USP47: variants seen among roughly 807,000 people sequenced by gnomAD.
USP47 encodes the protein ubiquitin specific peptidase 47.
USP47 carries 35 observed loss-of-function variants against 165.1 expected under a neutral mutation model. That is an observed-to-expected ratio of 0.21 (90% CI 0.16 to 0.28). The LOEUF is 0.28. Among genes scored for constraint, USP47 ranks in the 10% least tolerant of loss-of-function variants. The pLI, the probability that USP47 is intolerant of heterozygous loss-of-function variation, is 1.00. For synonymous variants in USP47, 531 were observed against 544.5 expected (o/e 0.98, Z 0.35); for missense variants, 1,277 against 1,607.4 (o/e 0.79, Z 3.52).
At chr11:11,895,431 G>T (rs1236898983) in intron 4 of USP47, among the ~76,000 whole-genome samples, 1 of 152,118 alleles carries the variant, frequency 6.6e-6, no homozygotes, top group African/African-American at 2.4e-5. Flanking sequence ...TATTGTATCA[G>T]ATAAAATTAT....
In USP47 at chr11:11,957,370, A is replaced by G. The variant is rs1020765816; in HGVS notation, c.*1195A>G. 2 of 152,468 alleles carry G rather than the reference A, an allele frequency of 1.3e-5. No individual in the cohort carries two copies. The highest frequency in any genetic ancestry group is 2.9e-5 in the Non-Finnish European group (2 of 68,040). 9.4% of individuals were successfully genotyped at this position (152,468 alleles called of 1,614,324 possible). ...TATCAGCAAGTTTTTGCTTTGCTAA[A>G]TAAAAGTACTCAATGAACACAATTC... On this transcript the variant is annotated 3_prime_UTR_variant, in exon 28 of 28. Coordinates refer to ENST00000527733, the MANE Select transcript of USP47 (RefSeq NM_001282659.2).
chr11:11,919,999 T>C (rs1051802841), intron 8 of USP47, among the ~76,000 whole-genome samples, 157 bp from the exon 9 acceptor site: 1 of 151,828 alleles, frequency 6.6e-6, no homozygotes, highest in Non-Finnish European at 1.5e-5. Flanking sequence ...AGTGATAATA[T>C]TATTTTACTG....
chr11:11,877,101 A>T (rs898632794), intron 1 of USP47, among the ~76,000 whole-genome samples: 2 of 152,026 alleles, frequency 1.3e-5, no homozygotes, highest in South Asian at 2.1e-4. Flanking sequence ...TGTTTCCTGC[A>T]TGTTTAATTT....
chr11:11,880,099 A>G, intron 1 of USP47, 78 bp from the exon 2 acceptor site: 2 of 1,021,772 alleles, frequency 2.0e-6, no homozygotes, highest in South Asian at 1.9e-5. Context: ...ACATTTAATC[A>G]TAAAATTTTA....
At chr11:11,912,079 G>A (rs1002670113) in intron 8 of USP47, among the ~76,000 whole-genome samples, 14 of 151,266 alleles carry the variant, frequency 9.3e-5, no homozygotes, top group Non-Finnish European at 1.3e-4. Context: ...AAGCAATACC[G>A]AGAGGGAAAC....
At chr11:11,880,478 A>C in intron 2 of USP47, 98 bp downstream of exon 2, 1 of 966,286 alleles carries the variant, frequency 1.0e-6, no homozygotes, top group Non-Finnish European at 1.4e-6. Context: ...TAAAATCATA[A>C]ACAAAAGTAT....
intron 1 of USP47, among the ~76,000 whole-genome samples, chr11:11,856,071 G>A (rs1387727467): frequency 1.3e-5 from 2 of 152,210 alleles, no homozygotes; most frequent in Non-Finnish European, 2.9e-5. Context: ...AGTTTGTAGT[G>A]CATTTTAGGA....
intron 14 of USP47, among the ~76,000 whole-genome samples, chr11:11,931,179 AT>A (rs1854639603): frequency 6.6e-6 from 1 of 151,052 alleles, no homozygotes; most frequent in South Asian, 2.1e-4. Context: ...TCTTTTCATA[AT>A]TAAAAAAAAT....
In USP47 at chr11:11,933,864, G is replaced by A. The variant is rs1196793250; in HGVS notation, c.1798G>A (p.Val600Ile). The A allele has an allele frequency of 6.2e-7, 1 of 1,609,598 alleles. No individual in the cohort carries two copies. Among genetic ancestry groups the A allele is most frequent in the Non-Finnish European group, 8.5e-7 (1 of 1,177,028 alleles). ...ATTCTGTTTGCATCCTACAAAACAA[G>A]TAATGATGGAAAATAAATTGGAGGT... ...KLFCLHPTKQ[V>I]MMENKLEVHK... Residue 600 changes from valine to isoleucine, a missense_variant, in exon 16 of 28, where the codon GTA becomes ATA. Physicochemically the swap from Val to Ile is conservative, Grantham distance 29. Coordinates refer to ENST00000527733, the MANE Select transcript of USP47 (RefSeq NM_001282659.2).
chr11:11,850,090 A>G (rs1848640274), intron 1 of USP47, among the ~76,000 whole-genome samples: 1 of 152,004 alleles, frequency 6.6e-6, no homozygotes, highest in Non-Finnish European at 1.5e-5. Context: ...TGTATTATGT[A>G]GTTATATGTC....
At chr11:11,858,361 T>C (rs1282607604) in intron 1 of USP47, among the ~76,000 whole-genome samples, 1 of 152,194 alleles carries the variant, frequency 6.6e-6, no homozygotes, top group Non-Finnish European at 1.5e-5. Context: ...TAAGTGAGAC[T>C]TTTTGTTTTT....
chr11:11,903,520 C>T (rs934824372), intron 7 of USP47, among the ~76,000 whole-genome samples, 178 bp downstream of exon 7: 5 of 151,924 alleles, frequency 3.3e-5, no homozygotes, highest in Admixed American at 3.3e-4. Flanking sequence ...TTATAAATAC[C>T]ATCATTAAAC....
At position 11,902,849 on chromosome 11, in the gene USP47, AT is replaced by A; in HGVS notation, c.729del (p.Asp243GlufsTer35). On this transcript the variant is annotated frameshift_variant, in exon 6 of 28. Coordinates refer to ENST00000527733, the MANE Select transcript of USP47 (RefSeq NM_001282659.2). LOFTEE classifies it high-confidence loss of function. The part of the protein sequence containing the change: ...TTDVTRSFGW[D>X]SSEAWQQHDV... ...GATGTTACAAGGAGCTTTGGATGGG[AT>A]AGTAGTGAGGGTACTAATTCTCTTG... 1 of 1,586,480 alleles carries A rather than the reference AT, an allele frequency of 6.3e-7. No individual in the cohort carries two copies. Among genetic ancestry groups the A allele is most frequent in the African/African-American group, 1.3e-5 (1 of 74,130 alleles).
intron 8 of USP47, among the ~76,000 whole-genome samples, chr11:11,910,446 C>T (rs1852882684): frequency 6.6e-6 from 1 of 152,088 alleles, no homozygotes; most frequent in Non-Finnish European, 1.5e-5. Context: ...TGTGCTCTAA[C>T]CAAACACCAC....
At chr11:11,918,512 A>G (rs987817312) in intron 8 of USP47, among the ~76,000 whole-genome samples, 1 of 152,138 alleles carries the variant, frequency 6.6e-6, no homozygotes, top group African/African-American at 2.4e-5. Context: ...AAAAAGTCAT[A>G]TTGAAGTTAA....
chr11:11,948,037 G>T lies in USP47; in HGVS notation c.3184G>T (p.Val1062Phe). 6.2e-7 allele frequency: 1 copy of T among 1,613,768 alleles called. No homozygotes were observed. The change falls in exon 21 of 28, where the codon GTC (valine) becomes TTC (phenylalanine). Residue 1062 changes from valine to phenylalanine, a missense_variant. Physicochemically the swap from Val to Phe is conservative, Grantham distance 50 (BLOSUM62 -1). This residue lies in a region of USP47 where 909 missense variants were observed against 1,068.1 expected (regional missense o/e 0.85). Coordinates refer to ENST00000527733, the MANE Select transcript of USP47 (RefSeq NM_001282659.2). ...TGGAGTTTTGTCCTCTCACTTCAAG[G>T]TCTTTCGAGTGTATGCCAGCAATCA... is the stretch of plus-strand genomic sequence containing the variant. The part of the protein sequence containing the change: ...FVGVLSSHFK[V>F]FRVYASNQEF...
In USP47 at chr11:11,894,798, T is replaced by C. The variant is rs140793319; in HGVS notation, c.496+2692T>C. 4.3e-4 allele frequency among the ~76,000 whole-genome samples: 65 copies of C among 152,332 alleles called. 1 individual carries two copies. In the East Asian group the frequency reaches 9.6e-3, roughly 23 times the overall value. ...TTTTAAAACGCTCTTTCTTTGATTA[T>C]ACAAATATATTAAAATACATGTCAT... On this transcript the variant is annotated intron_variant, in intron 4 of 27. Transcript: ENST00000527733.
At chr11:11,887,262 T>C (rs945976435) in intron 3 of USP47, among the ~76,000 whole-genome samples, 1 of 152,024 alleles carries the variant, frequency 6.6e-6, no homozygotes, top group Non-Finnish European at 1.5e-5. Context: ...CTAAGTGCCT[T>C]AATTAAAAGG....
At chr11:11,943,479 T>C (rs1234846774) in intron 20 of USP47, 2 of 156,902 alleles carry the variant, frequency 1.3e-5, no homozygotes, top group Non-Finnish European at 2.8e-5. Context: ...TATTTCTACA[T>C]GCTCTTCCCT....
Sources: gnomAD v4.1 joint callset for allele counts (sites outside exome capture counted in the v4.1 genomes callset) on GRCh38, gnomAD v4.1.1 for gene constraint, gnomAD v4.1.1 regional missense constraint, MANE v1.5 for transcripts, NCBI Gene and HGNC (gene_info 2026-07-23, HGNC 2026-07-21) for gene names.